The following ANKRD28 variants were observed in gnomAD, a reference collection of about 807,000 sequenced individuals.
ANKRD28 encodes the protein serine/threonine-protein phosphatase 6 regulatory ankyrin repeat subunit A.
In ANKRD28, 44 loss-of-function variants were observed where a neutral mutation model predicts 126.5. That is an observed-to-expected ratio of 0.35 (90% CI 0.27 to 0.45). The LOEUF (loss-of-function observed/expected upper bound fraction) is 0.45. ANKRD28 is among the 20% of genes least tolerant of loss of function. ANKRD28 has a pLI of 1.00. For missense variants in ANKRD28, 1,110 were observed against 1,316.6 expected (o/e 0.84, Z 2.43); for synonymous variants, 442 against 468.5 (o/e 0.94, Z 0.73).
At chr3:15,686,373 TA>T in intron 18 of ANKRD28, 64 bp from the exon 19 acceptor site, 2 of 1,266,200 alleles carry the variant, frequency 1.6e-6, no homozygotes, top group South Asian at 2.6e-5. Flanking sequence ...AATGTCCATC[TA>T]AAAGCACATC....
intron 6 of ANKRD28, chr3:15,731,787 T>G (rs891513241): frequency 1.6e-5 from 2 of 127,724 alleles, no homozygotes; most frequent in Non-Finnish European, 3.1e-5. Flanking sequence ...GAGGCGGAGG[T>G]TGCAGTGAGC....
At chr3:15,766,177 C>T in intron 3 of ANKRD28, 57 bp downstream of exon 3, 3 of 1,353,818 alleles carry the variant, frequency 2.2e-6, no homozygotes, top group Non-Finnish European at 2.1e-6. Context: ...GATTGAGAAA[C>T]ATTAAGAATA....
Position 15,836,220 on chromosome 3 carries a change from T to C in ANKRD28, c.27+23157A>G, listed in dbSNP as rs995269744. ...TCTATACAAAGCAATAATTAAAACA[T>C]TACTGTTGGGTTTATTACATAAATT... On this transcript the variant is annotated intron_variant, in intron 1 of 27. Transcript: ENST00000399451. Among the ~76,000 whole-genome samples the C allele has an allele frequency of 4.6e-5, 7 of 152,228 alleles. 1 individual carries two copies. The South Asian group carries it at 1.0e-3, about 23-fold the overall frequency.
chr3:15,670,680 G>A, intron 27 of ANKRD28, 124 bp from the exon 28 acceptor site: 1 of 994,572 alleles, frequency 1.0e-6, no homozygotes, highest in Non-Finnish European at 1.4e-6. Flanking sequence ...ATAATAAATT[G>A]CTGTAACCAG....
chr3:15,777,140 A>G (rs13088356), intron 2 of ANKRD28, among the ~76,000 whole-genome samples: 123,744 of 151,812 alleles, frequency 0.82, 50,578 homozygotes, highest in East Asian at 0.93. Flanking sequence ...TGGGCTTAGC[A>G]GTGGGCATCT....
intron 1 of ANKRD28, among the ~76,000 whole-genome samples, chr3:15,820,610 G>GAC (rs958363432): frequency 6.6e-6 from 1 of 152,086 alleles, no homozygotes; most frequent in Non-Finnish European, 1.5e-5. Context: ...CAAGACATCT[G>GAC]ACACACACAC....
intron 4 of ANKRD28, among the ~76,000 whole-genome samples, chr3:15,743,608 A>G (rs2057277805): frequency 6.6e-6 from 1 of 151,460 alleles, no homozygotes; most frequent in South Asian, 2.1e-4. Context: ...ACCAAAAACA[A>G]AACCCAACTC....
At chr3:15,766,397 T>TC (rs1377777437) in intron 2 of ANKRD28, 85 bp from the exon 3 acceptor site, 3 of 912,384 alleles carry the variant, frequency 3.3e-6, no homozygotes, top group East Asian at 2.7e-5. Context: ...CAACAACCCC[T>TC]CCCCCCACCA....
At chr3:15,773,917 A>C (rs907306017) in intron 2 of ANKRD28, among the ~76,000 whole-genome samples, 5 of 152,216 alleles carry the variant, frequency 3.3e-5, no homozygotes, top group African/African-American at 1.2e-4. Context: ...GTTTGACTGC[A>C]ATAATTACTA....
At chr3:15,710,743 T>C (rs113469280) in intron 12 of ANKRD28, among the ~76,000 whole-genome samples, 12 of 152,140 alleles carry the variant, frequency 7.9e-5, no homozygotes, top group African/African-American at 2.9e-4. Context: ...CTGGTGGTAC[T>C]ATTTAAAACT....
chr3:15,752,821 G>A (rs1344644340), intron 3 of ANKRD28, among the ~76,000 whole-genome samples: 1 of 152,176 alleles, frequency 6.6e-6, no homozygotes, highest in Non-Finnish European at 1.5e-5. Flanking sequence ...AGGAGTCAGG[G>A]AATAATCAAG....
At chr3:15,764,368 A>G (rs1575591166) in intron 3 of ANKRD28, among the ~76,000 whole-genome samples, 1 of 152,228 alleles carries the variant, frequency 6.6e-6, no homozygotes, top group Non-Finnish European at 1.5e-5. Context: ...TGACATCTAG[A>G]TACTATCATG....
chr3:15,743,293 A>C (rs2057230533), intron 4 of ANKRD28, among the ~76,000 whole-genome samples: 1 of 151,940 alleles, frequency 6.6e-6, no homozygotes, highest in African/African-American at 2.4e-5. Context: ...CCCTCCCTCC[A>C]CTATTGTCCT....
intron 1 of ANKRD28, among the ~76,000 whole-genome samples, chr3:15,806,211 C>G (rs1190708867): frequency 6.6e-6 from 1 of 152,160 alleles, no homozygotes; most frequent in Non-Finnish European, 1.5e-5. Flanking sequence ...ATGCTTGTAA[C>G]AATGTTAATT....
At chr3:15,823,232 CT>C (rs1403765095) in intron 1 of ANKRD28, among the ~76,000 whole-genome samples, 2 of 152,188 alleles carry the variant, frequency 1.3e-5, no homozygotes, top group African/African-American at 2.4e-5. Flanking sequence ...TTACAATAGG[CT>C]TCCTATGAGA....
chr3:15,732,629 C>T (rs1296212190), intron 6 of ANKRD28: 2 of 152,178 alleles, frequency 1.3e-5, no homozygotes, highest in Non-Finnish European at 2.9e-5. Flanking sequence ...TCATACTATG[C>T]CACAGTTAAC....
chr3:15,777,903 C>CACACACACACACACACACACACACA (rs1553631647), intron 2 of ANKRD28, among the ~76,000 whole-genome samples: 1 of 148,890 alleles, frequency 6.7e-6, no homozygotes, highest in Non-Finnish European at 1.5e-5. Context: ...CACACACACA[C>CACACACACACACACACACACACACA]CCTCTCCGCC....
At position 15,685,362 on chromosome 3, in the gene ANKRD28, C is replaced by T. The variant is rs201296458; in HGVS notation, c.2253G>A (p.Thr751=). 209 of 1,613,996 alleles carry T rather than the reference C, an allele frequency of 1.3e-4. No individual in the cohort carries two copies. The African/African-American group carries it at 2.4e-3, about 18-fold the overall frequency. Residue 751 remains threonine, a synonymous_variant, in exon 21 of 28, where the codon ACG becomes ACA. Transcript: ENST00000683139. ...CACAGGCAGCAGACAGGTGTATAGG[C>T]GTCCGGCCCCTGCTATCCCGAAGTA... is the stretch of plus-strand genomic sequence containing the variant. The part of the protein sequence containing the change: ...KCLLRDSRGR[T]PIHLSAACGH...
chr3:15,753,377 G>A (rs1384905304), intron 3 of ANKRD28, among the ~76,000 whole-genome samples: 1 of 152,228 alleles, frequency 6.6e-6, no homozygotes, highest in Non-Finnish European at 1.5e-5. Flanking sequence ...CCTACAGATA[G>A]TGAAGGAGTG....
Sources: gnomAD v4.1 joint callset for allele counts (sites outside exome capture counted in the v4.1 genomes callset) on GRCh38, gnomAD v4.1.1 for gene constraint, MANE v1.5 for transcripts, NCBI Gene and HGNC (gene_info 2026-07-23, HGNC 2026-07-21) for gene names.